The following CRLF2 variants were observed in gnomAD, a reference collection of about 807,000 sequenced individuals.
CRLF2 encodes the protein cytokine receptor like factor 2.
In CRLF2, 41 loss-of-function variants were observed where a neutral mutation model predicts 38.7. The ratio of observed to expected loss-of-function variants is 1.06; its 90% CI spans 0.83 to 1.37. CRLF2 has a LOEUF of 1.37. Ranked by LOEUF, CRLF2 falls within the 40% of genes most tolerant of loss-of-function variation. The pLI, the probability that CRLF2 is intolerant of heterozygous loss-of-function variation, is 0.00. For synonymous variants in CRLF2, 140 were observed against 128.8 expected (o/e 1.09, Z -0.59); for missense variants, 377 against 322.2 (o/e 1.17, Z -1.30).
intron 3 of CRLF2, among the ~76,000 whole-genome samples, chrX:1,204,968 C>T (rs1428382337): frequency 4.0e-5 from 6 of 151,752 alleles, no homozygotes; most frequent in African/African-American, 1.5e-4. Context: ...TACAGGCATG[C>T]GCCACCAGCC....
intron 6 of CRLF2, among the ~76,000 whole-genome samples, chrX:1,194,431 C>T (rs1282364284): frequency 2.0e-5 from 3 of 152,226 alleles, no homozygotes; most frequent in East Asian, 3.9e-4. Flanking sequence ...CATTGCACTC[C>T]AGCCTGGGTG....
chrX:1,195,480 T>C (rs1200275307), intron 6 of CRLF2, among the ~76,000 whole-genome samples: 2 of 151,914 alleles, frequency 1.3e-5, no homozygotes, highest in Non-Finnish European at 2.9e-5. Flanking sequence ...CAATCACAGC[T>C]CACTGCAGCC....
chrX:1,197,093 CTT>C (rs371615837), intron 5 of CRLF2, among the ~76,000 whole-genome samples, 193 bp from the exon 6 acceptor site: 5 of 118,610 alleles, frequency 4.2e-5, no homozygotes, highest in Admixed American at 9.8e-5. Flanking sequence ...AAATCTTTTA[CTT>C]TTTTTTTTTT....
chrX:1,204,069 C>A (rs2086651803), intron 3 of CRLF2, among the ~76,000 whole-genome samples: 1 of 142,076 alleles, frequency 7.0e-6, no homozygotes, highest in Admixed American at 7.2e-5. Flanking sequence ...GCCTGGGCAA[C>A]AGAGCAAGAC....
chrX:1,200,232 G>A (rs370732730), intron 4 of CRLF2, among the ~76,000 whole-genome samples: 3 of 151,472 alleles, frequency 2.0e-5, no homozygotes, highest in South Asian at 2.1e-4. Context: ...GTGTGTATAC[G>A]TGTGTATAAA....
intron 4 of CRLF2, among the ~76,000 whole-genome samples, chrX:1,200,838 C>T (rs1287074898): frequency 0.036 from 1,493 of 41,840 alleles, 53 homozygotes; most frequent in African/African-American, 0.092. Context: ...ACACAAGGTA[C>T]GTACATATAT....
intron 3 of CRLF2, among the ~76,000 whole-genome samples, chrX:1,205,632 T>C (rs2086678331): frequency 6.6e-6 from 1 of 152,054 alleles, no homozygotes; most frequent in Non-Finnish European, 1.5e-5. Flanking sequence ...TTGCATGAGC[T>C]TTTTTATTTA....
chrX:1,212,619 G>A lies in CRLF2; in HGVS notation c.16C>T (p.Leu6=). ...AGAAAGACGGCAGCTCCCCACAGCA[G>A]AACCAGCCGCCCCATGCCTGAAACA... MGRLV[L]LWGAAVFLLG... The change falls in exon 1 of 8, where the codon CTG becomes TTG. Residue 6 remains leucine (L), a synonymous_variant. Transcript: ENST00000400841. The A allele has an allele frequency of 6.2e-7, 1 of 1,612,420 alleles. No homozygotes were observed. Among genetic ancestry groups the A allele is most frequent in the Non-Finnish European group, 8.5e-7 (1 of 1,179,002 alleles).
chrX:1,191,361 C>CTTTCTTT lies in CRLF2; in HGVS notation c.853-202_853-201insAAAGAAA, dbSNP rs1230620683. On this transcript the variant is annotated intron_variant, in intron 7 of 7. Transcript: ENST00000400841. ...TCTTTCTTTCCTTCTTTCTTTCTTT[C>CTTTCTTT]CTTTCTTTCTCTTTCTTTCTTTCTC... Among the ~76,000 whole-genome samples, 73 of 73,196 alleles carry CTTTCTTT rather than the reference C, an allele frequency of 1.0e-3. 1 individual carries two copies. The highest frequency in any genetic ancestry group is 1.7e-3 in the African/African-American group (32 of 18,928). The allele number at this position is 73,196 out of a possible 152,430, so 48.0% of individuals were successfully genotyped here.
chrX:1,203,813 A>G (rs1296089073), intron 3 of CRLF2, among the ~76,000 whole-genome samples: 8 of 152,184 alleles, frequency 5.3e-5, no homozygotes, highest in Non-Finnish European at 1.0e-4. Flanking sequence ...GTGACCTATT[A>G]TAGCCCAGGA....
At chrX:1,204,169 T>TGTGTGTGTGTGTGTGTGTGTGTGG (rs2086655364) in intron 3 of CRLF2, among the ~76,000 whole-genome samples, 1 of 150,756 alleles carries the variant, frequency 6.6e-6, no homozygotes, top group African/African-American at 2.4e-5. Context: ...TGTGTGTGTG[T>TGTGTGTGTGTGTGTGTGTGTGTGG]GTGTGTGTGT....
At chrX:1,208,362 C>G (rs1402265727) in intron 2 of CRLF2, among the ~76,000 whole-genome samples, 4 of 152,008 alleles carry the variant, frequency 2.6e-5, no homozygotes, top group African/African-American at 9.7e-5. Context: ...AGTTTGAAAC[C>G]GGCCTGACCA....
At position 1,194,374 on chromosome X, in the gene CRLF2, A is replaced by C. The variant is rs1409284387; in HGVS notation, c.768-1072T>G. Among the ~76,000 whole-genome samples the C allele has an allele frequency of 2.2e-3, 342 of 152,172 alleles. 1 individual carries two copies. The highest frequency in any genetic ancestry group is 7.7e-3 in the African/African-American group (319 of 41,514). On this transcript the variant is annotated intron_variant, in intron 6 of 7. Coordinates refer to ENST00000400841, the MANE Select transcript of CRLF2 (RefSeq NM_022148.4). The stretch of plus-strand genomic sequence containing the variant: ...CTGCTTGGGAGGCTAAGGCAGGAGA[A>C]TCGCTTGAGCCTGGGAGGTGGAGTT...
At chrX:1,209,160 G>T (rs1174108743) in intron 1 of CRLF2, among the ~76,000 whole-genome samples, 8 of 151,764 alleles carry the variant, frequency 5.3e-5, no homozygotes, top group East Asian at 1.9e-4. Flanking sequence ...GTAGAGACGG[G>T]GTTTCACCGT....
chrX:1,198,105 C>G (rs2086523834), intron 5 of CRLF2, among the ~76,000 whole-genome samples: 1 of 152,100 alleles, frequency 6.6e-6, no homozygotes, highest in East Asian at 1.9e-4. Context: ...GAAGGCTGAG[C>G]TTGCTCAGAC....
Position 1,202,390 on chromosome X carries a change from C to T in CRLF2, c.483+12G>A, listed in dbSNP as rs371539333. 2.6e-5 allele frequency: 42 copies of T among 1,613,326 alleles called. 1 individual carries two copies. Among genetic ancestry groups the T allele is most frequent in the Admixed American group, 6.7e-5 (4 of 59,962 alleles). Reference sequence around the variant, plus strand: ...AGCCACCATCGCCCTGAGTCGCGGCCGCCCGGCTCACCTGCCACTCGGTGT... The same window carrying T: ...AGCCACCATCGCCCTGAGTCGCGGCTGCCCGGCTCACCTGCCACTCGGTGT... On this transcript the variant is annotated intron_variant, in intron 4 of 7. Transcript: ENST00000400841.
intron 4 of CRLF2, among the ~76,000 whole-genome samples, chrX:1,202,024 CAGGGAT>C: frequency 1.3e-5 from 2 of 150,992 alleles, no homozygotes; most frequent in South Asian, 4.2e-4. Flanking sequence ...GATTGAAAGA[CAGGGAT>C]AGAGATAAAA....
At chrX:1,203,519 T>C (rs1441166946) in intron 3 of CRLF2, among the ~76,000 whole-genome samples, 1 of 151,714 alleles carries the variant, frequency 6.6e-6, no homozygotes. Flanking sequence ...TGAGGTGAGA[T>C]CATCCTGGAG....
chrX:1,209,294 T>TTGCATTGTATTGTAGTGTAGTGTAG (rs1477485769), intron 1 of CRLF2, among the ~76,000 whole-genome samples: 14 of 142,524 alleles, frequency 9.8e-5, no homozygotes, highest in African/African-American at 3.1e-4. Context: ...TTGCATTGTA[T>TTGCATTGTATTGTAGTGTAGTGTAG]TGTAGTGTAG....
Sources: allele counts gnomAD v4.1 joint callset (sites outside exome capture counted in the v4.1 genomes callset), GRCh38; gene constraint gnomAD v4.1.1; transcripts MANE v1.5; gene names NCBI Gene and HGNC (gene_info 2026-07-23, HGNC 2026-07-21).